The following C1orf87 variants were observed in gnomAD, a reference collection of about 807,000 sequenced individuals.
The protein encoded by C1orf87 is chromosome 1 open reading frame 87.
Under a neutral mutation model 60.5 loss-of-function variants are expected in C1orf87, and 58 were observed. That is an observed-to-expected ratio of 0.96 (90% CI 0.78 to 1.19). The LOEUF is 1.19. Ranked by LOEUF, C1orf87 falls within the 50% of genes most tolerant of loss-of-function variation. C1orf87 has a pLI of 0.00. For synonymous variants in C1orf87, 236 were observed against 227.4 expected (o/e 1.04, Z -0.34); for missense variants, 673 against 638.6 (o/e 1.05, Z -0.58).
At chr1:60,040,874 T>A (rs1645318758) in intron 4 of C1orf87, 117 bp downstream of exon 4, 2 of 1,160,104 alleles carry the variant, frequency 1.7e-6, no homozygotes, top group African/African-American at 3.1e-5. Flanking sequence ...ATTACAGGTG[T>A]AAGCCACTAT....
At chr1:60,052,208 A>G (rs2100314104) in intron 3 of C1orf87, among the ~76,000 whole-genome samples, 1 of 152,364 alleles carries the variant, frequency 6.6e-6, no homozygotes, top group East Asian at 1.9e-4. Flanking sequence ...ATGCTGCCAG[A>G]TGCAAAAAGC....
At position 60,072,679 on chromosome 1, in the gene C1orf87, G is replaced by T; in HGVS notation, c.-27-9C>A. ...AAAATCCCTTCAGATCCCTAGGGGT[G>T]AAAATAAGTAAATTGTTCCTCTTGA... On this transcript the variant is annotated splice_polypyrimidine_tract_variant and intron_variant, in intron 1 of 11. Transcript: ENST00000371201. 2 of 1,428,526 alleles carry T rather than the reference G, an allele frequency of 1.4e-6. No homozygotes were observed. The highest frequency in any genetic ancestry group is 9.7e-7 in the Non-Finnish European group (1 of 1,032,106). 88.5% of individuals were successfully genotyped at this position (1,428,526 alleles called of 1,614,324 possible).
intron 9 of C1orf87, 151 bp downstream of exon 9, chr1:60,010,241 C>T (rs1645073610): frequency 5.7e-6 from 4 of 703,918 alleles, no homozygotes; most frequent in Admixed American, 2.5e-5. Flanking sequence ...GTGATTCTAA[C>T]CCCCATTTTT....
At chr1:60,041,182 A>T in intron 3 of C1orf87, 51 bp from the exon 4 acceptor site, 1 of 1,418,650 alleles carries the variant, frequency 7.0e-7, no homozygotes, top group East Asian at 2.5e-5. Flanking sequence ...GGAGGTAGGG[A>T]AGAGAAAGAG....
In C1orf87 at chr1:59,990,728, C is replaced by A. The variant is rs139412338; in HGVS notation, c.1586G>T (p.Arg529Leu). Residue 529 changes from arginine to leucine, a missense_variant, in exon 12 of 12, where the codon CGT becomes CTT. Coordinates refer to ENST00000371201, the MANE Select transcript of C1orf87 (RefSeq NM_152377.3). ...CTCCAAGAGCATATTTTCTCCCGAACGGAATCTGCGCAAGGCCTGGTCGAT... is the reference window on the plus strand; with the variant it reads ...CTCCAAGAGCATATTTTCTCCCGAAAGGAATCTGCGCAAGGCCTGGTCGAT... ...QKIDQALRRF[R>L]SGENMLLEPA... 6.2e-7 allele frequency: 1 copy of A among 1,614,030 alleles called. No homozygotes were observed. Among genetic ancestry groups the A allele is most frequent in the Non-Finnish European group, 8.5e-7 (1 of 1,179,970 alleles).
chr1:60,016,204 T>C (rs565634775), intron 8 of C1orf87, among the ~76,000 whole-genome samples: 8 of 152,330 alleles, frequency 5.3e-5, no homozygotes, highest in African/African-American at 1.9e-4. Flanking sequence ...GAGTAATTTA[T>C]GTAATGTCTC....
chr1:60,073,368 A>C (rs1393320044), intron 1 of C1orf87, among the ~76,000 whole-genome samples: 1 of 152,234 alleles, frequency 6.6e-6, no homozygotes, highest in Admixed American at 6.5e-5. Flanking sequence ...AAAGGCCTTT[A>C]GAAATCATTC....
chr1:59,996,063 T>G (rs979865027), intron 11 of C1orf87, among the ~76,000 whole-genome samples: 3 of 149,184 alleles, frequency 2.0e-5, no homozygotes, highest in African/African-American at 5.1e-5. Flanking sequence ...AATTTTCAGG[T>G]TTTTTTTTCT....
intron 8 of C1orf87, among the ~76,000 whole-genome samples, chr1:60,017,393 T>C (rs1049304293): frequency 4.6e-5 from 7 of 152,196 alleles, no homozygotes; most frequent in African/African-American, 1.4e-4. Context: ...CTTTTTCAAC[T>C]TAATTGCACT....
intron 8 of C1orf87, among the ~76,000 whole-genome samples, chr1:60,022,761 GAGGCTATTAATA>G (rs1256389459): frequency 1.3e-5 from 2 of 151,552 alleles, no homozygotes; most frequent in Admixed American, 1.3e-4. Flanking sequence ...TTTTTGCTTT[GAGGCTATTAATA>G]AGCAAATAAG....
chr1:60,068,797 G>C (rs1483670885), intron 2 of C1orf87, among the ~76,000 whole-genome samples: 1 of 152,098 alleles, frequency 6.6e-6, no homozygotes, highest in Non-Finnish European at 1.5e-5. Flanking sequence ...ACAAGCCTCT[G>C]ACTCTGTGAT....
chr1:59,991,475 G>A (rs1206888318), intron 11 of C1orf87, among the ~76,000 whole-genome samples: 1 of 152,184 alleles, frequency 6.6e-6, no homozygotes, highest in Admixed American at 6.5e-5. Flanking sequence ...CAATTGCAAT[G>A]CAAATAGTTG....
At chr1:60,044,534 A>AC (rs1047022720) in intron 3 of C1orf87, among the ~76,000 whole-genome samples, 42 of 151,876 alleles carry the variant, frequency 2.8e-4, no homozygotes, top group African/African-American at 8.0e-4. Flanking sequence ...CCTGGCTGAC[A>AC]CCCCCCCACA....
intron 2 of C1orf87, 90 bp downstream of exon 2, chr1:60,072,446 AT>A (rs1645590317): frequency 1.9e-6 from 2 of 1,033,002 alleles, no homozygotes; most frequent in Non-Finnish European, 2.8e-6. Context: ...CATGGATGGC[AT>A]TTTTTAAGTT....
At chr1:60,069,950 T>A (rs1406304513) in intron 2 of C1orf87, among the ~76,000 whole-genome samples, 1 of 152,188 alleles carries the variant, frequency 6.6e-6, no homozygotes, top group Non-Finnish European at 1.5e-5. Context: ...CAGATGCAGA[T>A]GCAGGGAGAA....
intron 8 of C1orf87, among the ~76,000 whole-genome samples, chr1:60,022,959 C>T (rs1048125598): frequency 6.6e-6 from 1 of 152,104 alleles, no homozygotes; most frequent in Non-Finnish European, 1.5e-5. Context: ...TTTCTTCATG[C>T]TACTCAGAAC....
intron 7 of C1orf87, among the ~76,000 whole-genome samples, chr1:60,031,981 A>AACACAC (rs56139918): frequency 8.0e-5 from 12 of 149,274 alleles, no homozygotes; most frequent in African/African-American, 7.4e-5. Flanking sequence ...ATAATATTCA[A>AACACAC]ACACACACAC....
intron 7 of C1orf87, among the ~76,000 whole-genome samples, chr1:60,030,616 G>A (rs914338260): frequency 2.0e-5 from 3 of 152,212 alleles, no homozygotes; most frequent in African/African-American, 4.8e-5. Context: ...AGCAGAAAGA[G>A]GATGAGTTCA....
intron 8 of C1orf87, among the ~76,000 whole-genome samples, chr1:60,012,816 C>G (rs1227269942): frequency 6.6e-6 from 1 of 152,082 alleles, no homozygotes; most frequent in Non-Finnish European, 1.5e-5. Context: ...AGTGACTTGT[C>G]CAAAGGCACA....
Sources: gnomAD v4.1 joint callset for allele counts (sites outside exome capture counted in the v4.1 genomes callset) on GRCh38, gnomAD v4.1.1 for gene constraint, MANE v1.5 for transcripts, NCBI Gene and HGNC (gene_info 2026-07-23, HGNC 2026-07-21) for gene names.